Variants in DENND4C observed in about 807,000 individuals in gnomAD.
The protein encoded by DENND4C is DENN domain-containing protein 4C.
A neutral mutation model predicts 203.0 loss-of-function variants in DENND4C; 108 were observed. The ratio of observed to expected loss-of-function variants is 0.53; its 90% CI spans 0.46 to 0.62. DENND4C has a LOEUF of 0.62. Ranked by LOEUF, DENND4C falls within the 20% of genes least tolerant of loss-of-function variation. The pLI, the probability that DENND4C is intolerant of heterozygous loss-of-function variation, is 0.00. For synonymous variants in DENND4C, 871 were observed against 792.4 expected, an observed-to-expected ratio of 1.10 and a Z score of -1.67; for missense variants, 2,481 against 2,301.2, an observed-to-expected ratio of 1.08 and a Z score of -1.60.
Position 19,372,745 on chromosome 9 carries a change from A to G in DENND4C, c.*572A>G, listed in dbSNP as rs925311490. 7.3e-5 allele frequency: 11 copies of G among 151,298 alleles called. No individual in the cohort carries two copies. Among genetic ancestry groups the G allele is most frequent in the African/African-American group, 2.4e-4 (10 of 41,050 alleles). The allele number at this position is 151,298 out of a possible 1,614,324, so 9.4% of individuals were successfully genotyped here. On this transcript the variant is annotated 3_prime_UTR_variant, in exon 33 of 33. Coordinates refer to ENST00000434457, the MANE Select transcript of DENND4C (RefSeq NM_001330640.2). The stretch of plus-strand genomic sequence containing the variant: ...AAAAATTAGCCAGGCGCACCACTGT[A>G]GTCCCAGCTACTCAGGCTGAGGCAG...
At chr9:19,277,386 A>C (rs780580005) in intron 2 of DENND4C, among the ~76,000 whole-genome samples, 19 of 152,108 alleles carry the variant, frequency 1.2e-4, no homozygotes, top group Admixed American at 6.6e-5. Flanking sequence ...TGTATTTTTT[A>C]AATCTGATTA....
In DENND4C at chr9:19,307,412, A is replaced by G. The variant is rs1458493522; in HGVS notation, c.1487+1885A>G. ...CTGTCTCAAAAAAAAAAAAAAAAAA[A>G]AGAAGAAATACCTCCAAATTATACA... On this transcript the variant is annotated intron_variant, in intron 10 of 32. Transcript: ENST00000434457. Among the ~76,000 whole-genome samples the G allele has an allele frequency of 2.6e-5, 4 of 151,128 alleles. No individual in the cohort carries two copies. The South Asian group carries it at 8.4e-4, about 32-fold the overall frequency.
rs954357597 is a variant in DENND4C at position 19,311,945 on chromosome 9, T to G, written c.1488-4472T>G. Among the ~76,000 whole-genome samples, 22 of 152,298 alleles carry G rather than the reference T, an allele frequency of 1.4e-4. 2 individuals are homozygous for G. The highest frequency in any genetic ancestry group is 4.6e-4 in the Admixed American group (7 of 15,292). On this transcript the variant is annotated intron_variant, in intron 10 of 32. Coordinates refer to ENST00000434457, the MANE Select transcript of DENND4C (RefSeq NM_001330640.2). ...CACTTCTAGGAATTGATCCTAACATTTTATTTTGTATGAAATCATGTTTGT... is the reference window on the plus strand; with the variant it reads ...CACTTCTAGGAATTGATCCTAACATGTTATTTTGTATGAAATCATGTTTGT...
rs61396893 is a variant in DENND4C, at chr9:19,285,576, C to CTTTTTTTTTTT, written c.306-1188_306-1178dup. Among the ~76,000 whole-genome samples the CTTTTTTTTTTT allele has an allele frequency of 2.2e-5, 3 of 135,854 alleles. 1 individual carries two copies. The highest frequency in any genetic ancestry group is 1.6e-5 in the Non-Finnish European group (1 of 64,122). 89.1% of individuals were successfully genotyped at this position (135,854 alleles called of 152,430 possible). A position where few individuals can be genotyped will look rare whatever the true frequency, so the allele number is the denominator to read the frequency against. Reference sequence around the variant, plus strand: ...GAATCACTGTATGTGGTCTTTGTGACTTTTTTTTTTTTTTTCACTTAACAT... The same window carrying CTTTTTTTTTTT: ...GAATCACTGTATGTGGTCTTTGTGACTTTTTTTTTTTTTTTTTTTTTTTTTTCACTTAACAT... On this transcript the variant is annotated intron_variant, in intron 2 of 32. Coordinates refer to ENST00000434457, the MANE Select transcript of DENND4C (RefSeq NM_001330640.2).
At position 19,331,890 on chromosome 9, in the gene DENND4C, T is replaced by G. The variant is rs1480375210; in HGVS notation, c.2254-88T>G. 3.9e-6 allele frequency: 5 copies of G among 1,277,622 alleles called. No individual in the cohort carries two copies. In the East Asian group the frequency reaches 1.3e-4, roughly 32 times the overall value. 79.1% of individuals were successfully genotyped at this position (1,277,622 alleles called of 1,614,324 possible). A position where few individuals can be genotyped will look rare whatever the true frequency, so the allele number is the denominator to read the frequency against. ...TTGATTTTAGGGGGTCAAGTTTTACTTAAATTCTCCTCTCCCTTTTCCTTC... is the reference window on the plus strand; with the variant it reads ...TTGATTTTAGGGGGTCAAGTTTTACGTAAATTCTCCTCTCCCTTTTCCTTC... On this transcript the variant is annotated intron_variant, in intron 16 of 32. Transcript: ENST00000434457.
At chr9:19,327,311 C>T (rs1165225545) in intron 15 of DENND4C, among the ~76,000 whole-genome samples, 1 of 151,952 alleles carries the variant, frequency 6.6e-6, no homozygotes, top group African/African-American at 2.4e-5. Context: ...TGGTTTTTTG[C>T]ATTCAAAGAA....
intron 1 of DENND4C, among the ~76,000 whole-genome samples, chr9:19,262,477 GC>G (rs1455499592): frequency 6.8e-6 from 1 of 147,140 alleles, no homozygotes; most frequent in East Asian, 1.9e-4. Flanking sequence ...AGTCACCCAG[GC>G]TGGAGTGTAG....
chr9:19,321,681 C>A (rs1051419287), intron 12 of DENND4C, among the ~76,000 whole-genome samples: 1 of 151,524 alleles, frequency 6.6e-6, no homozygotes, highest in African/African-American at 2.4e-5. Context: ...CCTGTCTCTA[C>A]TAAAAATACA....
At chr9:19,282,715 C>CTCTTTTTTTTTTTTTTTTTTTTTTTTT (rs758751945) in intron 2 of DENND4C, among the ~76,000 whole-genome samples, 1 of 86,638 alleles carries the variant, frequency 1.2e-5, no homozygotes, top group African/African-American at 4.4e-5. Flanking sequence ...TTTCTTCTCT[C>CTCTTTTTTTTTTTTTTTTTTTTTTTTT]TTTTTTTTTT....
intron 1 of DENND4C, among the ~76,000 whole-genome samples, chr9:19,265,318 A>G (rs893038527): frequency 2.6e-5 from 4 of 152,102 alleles, no homozygotes; most frequent in South Asian, 2.1e-4. Context: ...TGCTCGGCCA[A>G]TTTTTTAAAT....
At position 19,335,057 on chromosome 9, in the gene DENND4C, A is replaced by G. The variant is rs1820136905; in HGVS notation, c.2541A>G (p.Lys847=). 2 of 1,612,630 alleles carry G rather than the reference A, an allele frequency of 1.2e-6. No individual in the cohort carries two copies. The highest frequency in any genetic ancestry group is 1.1e-5 in the South Asian group (1 of 90,952). ...VLAVRVLFEM[K]TARIKPNAIT... ...CAGTGAGAGTCTTATTTGAAATGAA[A>G]ACTGCTAGGATAAAGCCTAATGCTA... Residue 847 remains lysine (K), a synonymous_variant, in exon 18 of 33, where the codon AAA becomes AAG. Transcript: ENST00000434457.
chr9:19,245,975 T>C (rs1243641851), intron 1 of DENND4C, among the ~76,000 whole-genome samples: 1 of 151,986 alleles, frequency 6.6e-6, no homozygotes, highest in Non-Finnish European at 1.5e-5. Context: ...TTTTATTTTT[T>C]CAGTTCTCTC....
At chr9:19,337,300 C>T (rs1362335756) in intron 20 of DENND4C, among the ~76,000 whole-genome samples, 1 of 152,198 alleles carries the variant, frequency 6.6e-6, no homozygotes, top group Non-Finnish European at 1.5e-5. Context: ...CTTTTATGTA[C>T]ATAGCCATGG....
Position 19,316,719 on chromosome 9 carries a change from C to G in DENND4C, c.1687C>G (p.Gln563Glu). 2 of 1,614,044 alleles carry G rather than the reference C, an allele frequency of 1.2e-6. No homozygotes were observed. Among genetic ancestry groups the G allele is most frequent in the Non-Finnish European group, 1.7e-6 (2 of 1,179,982 alleles). Residue 563 changes from glutamine to glutamate, a missense_variant, in exon 12 of 33, where the codon CAA (glutamine) becomes GAA (glutamate). Transcript: ENST00000434457. The part of the protein sequence containing the change: ...KKMTQLEMEI[Q>E]EAFLRFMASI... ...GATGACACAGCTTGAGATGGAAATT[C>G]AAGAGGCATTTTTGCGCTTTATGGC...
At chr9:19,313,216 CTTTT>C (rs35967287) in intron 10 of DENND4C, among the ~76,000 whole-genome samples, 2 of 151,946 alleles carry the variant, frequency 1.3e-5, no homozygotes, top group Non-Finnish European at 2.9e-5. Flanking sequence ...ATATTTTACT[CTTTT>C]TTTAAGCAGT....
chr9:19,369,165 T>A (rs1302980663), intron 30 of DENND4C, among the ~76,000 whole-genome samples: 1 of 151,922 alleles, frequency 6.6e-6, no homozygotes, highest in Non-Finnish European at 1.5e-5. Context: ...AATACATTTT[T>A]AAAAAAGAAA....
intron 1 of DENND4C, among the ~76,000 whole-genome samples, chr9:19,239,045 T>C (rs1823019781): frequency 6.6e-6 from 1 of 152,170 alleles, no homozygotes. Context: ...AGCCTCTTGC[T>C]TTTTTCTTAA....
intron 30 of DENND4C, among the ~76,000 whole-genome samples, chr9:19,368,914 G>A (rs1828228529): frequency 6.6e-6 from 1 of 152,176 alleles, no homozygotes; most frequent in African/African-American, 2.4e-5. Context: ...TGATTTGGGA[G>A]GCTGAGGCAG....
chr9:19,283,810 G>A (rs950377585), intron 2 of DENND4C, among the ~76,000 whole-genome samples: 1 of 151,648 alleles, frequency 6.6e-6, no homozygotes, highest in African/African-American at 2.4e-5. Flanking sequence ...GGTCAGGCTG[G>A]TTGCGAACTC....
Sources: allele counts gnomAD v4.1 joint callset (sites outside exome capture counted in the v4.1 genomes callset), GRCh38; gene constraint gnomAD v4.1.1; transcripts MANE v1.5; gene names NCBI Gene and HGNC (gene_info 2026-07-23, HGNC 2026-07-21).